Variants in SHTN1 observed in about 807,000 individuals in gnomAD.
SHTN1 encodes the protein shootin-1.
Under a neutral mutation model 83.1 loss-of-function variants are expected in SHTN1, and 42 were observed. The ratio of observed to expected loss-of-function variants is 0.51; its 90% confidence interval spans 0.39 to 0.65. The LOEUF (loss-of-function observed/expected upper bound fraction) is 0.65, where lower values mean the gene tolerates loss of function less well. Among genes scored for constraint, SHTN1 ranks in the 30% least tolerant of loss-of-function variants. The pLI, the probability that SHTN1 is intolerant of heterozygous loss-of-function variation, is 0.00. For missense variants in SHTN1, 622 were observed against 737.8 expected, an observed-to-expected ratio of 0.84 and a Z score of 1.82; for synonymous variants, 224 against 247.7, an observed-to-expected ratio of 0.90 and a Z score of 0.90.
At chr10:116,935,374 AG>A (rs1222509202) in intron 9 of SHTN1, among the ~76,000 whole-genome samples, 5 of 152,316 alleles carry the variant, frequency 3.3e-5, no homozygotes, top group East Asian at 3.9e-4. Flanking sequence ...TTTAGCATGA[AG>A]GGGTGTTGAA....
At chr10:116,908,068 GATT>G (rs1848045462) in intron 14 of SHTN1, among the ~76,000 whole-genome samples, 1 of 152,142 alleles carries the variant, frequency 6.6e-6, no homozygotes, top group Non-Finnish European at 1.5e-5. Flanking sequence ...TCTATTAAGA[GATT>G]ATGTTATTTT....
At chr10:116,987,695 T>G (rs1479218721) in intron 1 of SHTN1, among the ~76,000 whole-genome samples, 2 of 151,948 alleles carry the variant, frequency 1.3e-5, no homozygotes, top group African/African-American at 4.8e-5. Flanking sequence ...GGTGGGCGGA[T>G]CACAAGGTCA....
intron 1 of SHTN1, among the ~76,000 whole-genome samples, chr10:117,058,353 A>G (rs1341543046): frequency 6.6e-6 from 1 of 152,226 alleles, no homozygotes; most frequent in Non-Finnish European, 1.5e-5. Flanking sequence ...CCTGATTCAA[A>G]AATAGGCAAA....
chr10:117,103,380 C>T (rs901579729), intron 1 of SHTN1, among the ~76,000 whole-genome samples: 12 of 151,954 alleles, frequency 7.9e-5, no homozygotes, highest in African/African-American at 2.4e-4. Context: ...CATGAGCCAC[C>T]ACACCCAGCC....
intron 2 of SHTN1, among the ~76,000 whole-genome samples, chr10:117,047,644 C>T (rs1477934822): frequency 6.6e-6 from 1 of 151,472 alleles, no homozygotes; most frequent in Non-Finnish European, 1.5e-5. Context: ...GGTAGCCTTC[C>T]TTGAAGAATG....
At chr10:117,047,281 G>A (rs1235971379) in intron 2 of SHTN1, among the ~76,000 whole-genome samples, 1 of 152,040 alleles carries the variant, frequency 6.6e-6, no homozygotes, top group East Asian at 1.9e-4. Context: ...TGGCCAGGCT[G>A]GTCTTGAACT....
At chr10:116,920,013 A>G (rs1163611545) in intron 12 of SHTN1, among the ~76,000 whole-genome samples, 3 of 152,324 alleles carry the variant, frequency 2.0e-5, no homozygotes, top group East Asian at 1.9e-4. Flanking sequence ...AGAGCTTGCA[A>G]TCTGCTCAGG....
intron 1 of SHTN1, among the ~76,000 whole-genome samples, chr10:117,118,743 CAT>C (rs1199521568): frequency 1.3e-5 from 2 of 152,104 alleles, no homozygotes; most frequent in African/African-American, 4.8e-5. Flanking sequence ...CACATGGACA[CAT>C]GAGGGGGAAC....
chr10:116,905,930 C>T (rs1302512561), intron 15 of SHTN1, among the ~76,000 whole-genome samples: 3 of 152,164 alleles, frequency 2.0e-5, no homozygotes, highest in African/African-American at 7.2e-5. Context: ...CCTAATGTCA[C>T]ACAAATGCAA....
chr10:117,051,662 C>G (rs1413089756), intron 1 of SHTN1, among the ~76,000 whole-genome samples: 1 of 151,456 alleles, frequency 6.6e-6, no homozygotes, highest in African/African-American at 2.4e-5. Flanking sequence ...GAGGAGGAAC[C>G]ATATGATCTC....
intron 2 of SHTN1, among the ~76,000 whole-genome samples, chr10:117,033,580 C>A (rs79315389): frequency 6.6e-6 from 1 of 152,262 alleles, no homozygotes; most frequent in South Asian, 2.1e-4. Flanking sequence ...GTTGGCTTCA[C>A]TGCTGAATTC....
chr10:117,027,077 A>G (rs1299676729), intron 2 of SHTN1, among the ~76,000 whole-genome samples: 2 of 152,214 alleles, frequency 1.3e-5, no homozygotes, highest in Non-Finnish European at 2.9e-5. Flanking sequence ...GAAGAAAACA[A>G]GAGTTTCTGC....
intron 14 of SHTN1, among the ~76,000 whole-genome samples, chr10:116,907,596 G>C (rs1305549621): frequency 1.3e-5 from 2 of 152,064 alleles, no homozygotes; most frequent in Non-Finnish European, 2.9e-5. Flanking sequence ...CAGAACACTG[G>C]GTGACGTATT....
chr10:117,110,316 AT>A (rs1012244545), intron 1 of SHTN1, among the ~76,000 whole-genome samples: 2 of 152,018 alleles, frequency 1.3e-5, no homozygotes, highest in Non-Finnish European at 2.9e-5. Flanking sequence ...GCAGTCTTGA[AT>A]TTTTTTCAAC....
At chr10:117,060,146 A>G (rs1175946781) in intron 1 of SHTN1, among the ~76,000 whole-genome samples, 4 of 152,118 alleles carry the variant, frequency 2.6e-5, no homozygotes, top group Non-Finnish European at 5.9e-5. Context: ...CCAGAATTTC[A>G]AGGTTACAGT....
rs376204200 is a variant in SHTN1, at chr10:116,929,833, T to C, written c.1012+16A>G. On this transcript the variant is annotated intron_variant, in intron 10 of 16. Coordinates refer to ENST00000355371, the MANE Select transcript of SHTN1 (RefSeq NM_001127211.3). ...AGATTAATAGTAAGACATAGTAGCC[T>C]ACTCAATGCTTTTACCAGAGTGCTT... 304 of 1,576,556 alleles carry C rather than the reference T, an allele frequency of 1.9e-4. No individual in the cohort carries two copies. The highest frequency in any genetic ancestry group is 2.6e-4 in the Non-Finnish European group (298 of 1,160,516).
chr10:116,937,460 T>C (rs1219409968), intron 9 of SHTN1, among the ~76,000 whole-genome samples: 5 of 152,172 alleles, frequency 3.3e-5, no homozygotes, highest in Admixed American at 6.5e-5. Context: ...GGTTGAAAAT[T>C]CTTGTCTTTA....
intron 2 of SHTN1, among the ~76,000 whole-genome samples, chr10:117,028,920 G>A (rs370142224): frequency 1.4e-4 from 22 of 152,316 alleles, no homozygotes; most frequent in African/African-American, 5.1e-4. Flanking sequence ...ACTGCCTGAT[G>A]GAGCAGTGAG....
chr10:117,052,631 T>C (rs889973662), intron 1 of SHTN1, among the ~76,000 whole-genome samples: 9 of 152,120 alleles, frequency 5.9e-5, no homozygotes, highest in Admixed American at 2.6e-4. Context: ...CATATGTCTA[T>C]AGTCAAGTGA....
Sources: allele counts gnomAD v4.1 joint callset (sites outside exome capture counted in the v4.1 genomes callset), GRCh38; gene constraint gnomAD v4.1.1; transcripts MANE v1.5; gene names NCBI Gene and HGNC (gene_info 2026-07-23, HGNC 2026-07-21).